The following SF3B1 variants were observed in gnomAD, a reference collection of about 807,000 sequenced individuals.
SF3B1 encodes splicing factor 3b subunit 1.
A neutral mutation model predicts 153.8 loss-of-function variants in SF3B1; 12 were observed. That is an observed-to-expected ratio of 0.08 (90% CI 0.05 to 0.13). SF3B1 has a LOEUF of 0.13. Ranked by LOEUF, SF3B1 falls within the 10% of genes least tolerant of loss-of-function variation. The pLI, the probability that SF3B1 is intolerant of heterozygous loss-of-function variation, is 1.00. For missense variants in SF3B1, 513 were observed against 1,606.1 expected, an observed-to-expected ratio of 0.32 and a Z score of 11.63; for synonymous variants, 498 against 525.2, an observed-to-expected ratio of 0.95 and a Z score of 0.71.
chr2:197,407,931 A>C (rs946989444), intron 9 of SF3B1, 67 bp downstream of exon 9: 2 of 1,455,318 alleles, frequency 1.4e-6, no homozygotes, highest in Admixed American at 3.6e-5. Flanking sequence ...AAGCTTAATC[A>C]ATTTTTTTCA....
At chr2:197,411,428 C>CT (rs1344677217) in intron 6 of SF3B1, among the ~76,000 whole-genome samples, 2 of 151,854 alleles carry the variant, frequency 1.3e-5, no homozygotes, top group African/African-American at 2.4e-5. Context: ...AATCCCAGCA[C>CT]TTTGAGAGGC....
At chr2:197,404,580 A>AT (rs1011364428) in intron 11 of SF3B1, 7 of 152,288 alleles carry the variant, frequency 4.6e-5, no homozygotes, top group African/African-American at 1.7e-4. Context: ...CTGTCTCAAA[A>AT]ATATATATAT....
chr2:197,416,458 A>T (rs2085149949), intron 6 of SF3B1: 1 of 278,060 alleles, frequency 3.6e-6, no homozygotes, highest in East Asian at 6.3e-5. Context: ...TGGGGCCCTA[A>T]TCTAGTAAGA....
chr2:197,401,123 A>G lies in SF3B1; in HGVS notation c.2497-187T>C, dbSNP rs556407441. Among the ~76,000 whole-genome samples, 1 of 152,346 alleles carries G rather than the reference A, an allele frequency of 6.6e-6. No homozygotes were observed. The highest frequency in any genetic ancestry group is 1.9e-4 in the East Asian group (1 of 5,192). ...AACATCGAAAAATGAGTATAAGTTA[A>G]CATGATTCAAGGTAAAACTGTGTCC... On this transcript the variant is annotated intron_variant, in intron 17 of 24. Coordinates refer to ENST00000335508, the MANE Select transcript of SF3B1 (RefSeq NM_012433.4). The surrounding 1 kb of genome is among the most constrained non-coding windows in gnomAD (Gnocchi z 4.2).
At chr2:197,396,704 A>G (rs907446824) in intron 22 of SF3B1, among the ~76,000 whole-genome samples, 1 of 152,362 alleles carries the variant, frequency 6.6e-6, no homozygotes, top group East Asian at 1.9e-4. Context: ...AGAACTAGGT[A>G]GGAGTGGTGA....
In SF3B1 at chr2:197,421,951, G is replaced by T. The variant is rs2085250234; in HGVS notation, c.196-818C>A. ...AGGCATGATCTGGCCACTGCCTTTG[G>T]TCTGGGCAACAGAGCAAGACTTTGT... is the stretch of plus-strand genomic sequence containing the variant. On this transcript the variant is annotated intron_variant, in intron 2 of 24. Transcript: ENST00000335508. Among the ~76,000 whole-genome samples, 3 of 152,120 alleles carry T rather than the reference G, an allele frequency of 2.0e-5. No homozygotes were observed. The South Asian group carries it at 6.2e-4, about 31-fold the overall frequency.
chr2:197,392,858 A>G (rs1261589807), intron 24 of SF3B1, 114 bp downstream of exon 24: 8 of 657,114 alleles, frequency 1.2e-5, no homozygotes, highest in Non-Finnish European at 2.1e-5. Flanking sequence ...GCAAACCACC[A>G]TGGCACATAT....
chr2:197,422,286 T>C (rs1346921830), intron 2 of SF3B1, among the ~76,000 whole-genome samples: 1 of 151,698 alleles, frequency 6.6e-6, no homozygotes, highest in African/African-American at 2.4e-5. Flanking sequence ...AACTATAAAA[T>C]GTGACTTGAA....
intron 20 of SF3B1, chr2:197,398,797 G>A (rs1163847768): frequency 3.7e-6 from 2 of 546,852 alleles, no homozygotes; most frequent in Non-Finnish European, 6.6e-6. Flanking sequence ...TCAGTGAAGT[G>A]ATTTAAAGGA....
In SF3B1 at chr2:197,402,649, G is replaced by C. The variant is rs1349813459; in HGVS notation, c.1984C>G (p.His662Asp). ...TGTTGTACAATCTTAATACCAGTGT[G>C]TCTCGCTTGCCAGGACTTCTTGCTT... ...CKSKKSWQARHTGIKIVQQIA... is the reference protein window; with the variant it reads ...CKSKKSWQARDTGIKIVQQIA... Residue 662 changes from histidine to aspartate, a missense_variant, in exon 14 of 25, where the codon CAC (histidine) becomes GAC (aspartate). Coordinates refer to ENST00000335508, the MANE Select transcript of SF3B1 (RefSeq NM_012433.4). The surrounding 1 kb of genome is among the most constrained non-coding windows in gnomAD (Gnocchi z 4.6). The C allele has an allele frequency of 6.2e-7, 1 of 1,614,112 alleles. No homozygotes were observed. The highest frequency in any genetic ancestry group is 8.5e-7 in the Non-Finnish European group (1 of 1,179,940).
intron 9 of SF3B1, 83 bp from the exon 10 acceptor site, chr2:197,405,555 AGTTT>A (rs1215166310): frequency 2.1e-6 from 2 of 960,626 alleles, no homozygotes; most frequent in Non-Finnish European, 3.2e-6. Context: ...AAAATATTTT[AGTTT>A]ATTAGCTAAT....
chr2:197,397,812 G>T, intron 22 of SF3B1, 173 bp downstream of exon 22: 5 of 379,686 alleles, frequency 1.3e-5, no homozygotes, highest in Non-Finnish European at 2.3e-5. Flanking sequence ...AAAAAAAAAA[G>T]AATTTAACAA....
chr2:197,428,062 TG>T (rs1236212721), intron 1 of SF3B1, among the ~76,000 whole-genome samples: 1 of 151,886 alleles, frequency 6.6e-6, no homozygotes, highest in Non-Finnish European at 1.5e-5. Context: ...GTAATGAGGC[TG>T]GGCACTTTGG....
chr2:197,430,938 G>A (rs916173339), intron 1 of SF3B1, among the ~76,000 whole-genome samples: 12 of 152,004 alleles, frequency 7.9e-5, no homozygotes, highest in African/African-American at 2.9e-4. Context: ...GGGATTACAT[G>A]CGTGAGCAAC....
Position 197,390,855 on chromosome 2 carries a change from C to G in SF3B1, c.*1448G>C, listed in dbSNP as rs1365486297. ...TGACCTCGTGATCCGCCCGCCTCAGCCTCCCAAAGTGCTGGGATTACAGGC... is the reference window on the plus strand; with the variant it reads ...TGACCTCGTGATCCGCCCGCCTCAGGCTCCCAAAGTGCTGGGATTACAGGC... On this transcript the variant is annotated 3_prime_UTR_variant, in exon 25 of 25. Transcript: ENST00000335508. 2 of 152,228 alleles carry G rather than the reference C, an allele frequency of 1.3e-5. No individual in the cohort carries two copies. Among genetic ancestry groups the G allele is most frequent in the African/African-American group, 4.8e-5 (2 of 41,454 alleles). 9.4% of individuals were successfully genotyped at this position (152,228 alleles called of 1,614,324 possible).
intron 6 of SF3B1, among the ~76,000 whole-genome samples, chr2:197,414,707 A>G (rs986382408): frequency 6.6e-6 from 1 of 152,204 alleles, no homozygotes; most frequent in Non-Finnish European, 1.5e-5. Flanking sequence ...AGGGAAAGCA[A>G]GTACAAACAA....
intron 4 of SF3B1, 190 bp downstream of exon 4, chr2:197,420,238 A>G: frequency 2.2e-6 from 1 of 465,104 alleles, no homozygotes; most frequent in Non-Finnish European, 3.9e-6. Context: ...CTACCTGGAA[A>G]GAAAACTTGC....
chr2:197,415,095 T>C lies in SF3B1; in HGVS notation c.666+1646A>G, dbSNP rs2085127633. Among the ~76,000 whole-genome samples the C allele has an allele frequency of 3.3e-5, 5 of 150,998 alleles. No individual in the cohort carries two copies. The South Asian group carries it at 1.1e-3, about 32-fold the overall frequency. ...CGGATGTGAATGGGGTTAAGAGATGTTTTCTGCAGGTTTTTTGTTGCTGTT... is the reference window on the plus strand; with the variant it reads ...CGGATGTGAATGGGGTTAAGAGATGCTTTCTGCAGGTTTTTTGTTGCTGTT... On this transcript the variant is annotated intron_variant, in intron 6 of 24. Coordinates refer to ENST00000335508, the MANE Select transcript of SF3B1 (RefSeq NM_012433.4).
At chr2:197,413,887 A>AC (rs1369795574) in intron 6 of SF3B1, among the ~76,000 whole-genome samples, 1 of 151,840 alleles carries the variant, frequency 6.6e-6, no homozygotes, top group Non-Finnish European at 1.5e-5. Flanking sequence ...TCTCACTGCA[A>AC]CCTCCACCTC....
Sources: allele counts gnomAD v4.1 joint callset (sites outside exome capture counted in the v4.1 genomes callset), GRCh38; gene constraint gnomAD v4.1.1; non-coding constraint Gnocchi (gnomAD v3.1); transcripts MANE v1.5; gene names NCBI Gene and HGNC (gene_info 2026-07-23, HGNC 2026-07-21).